Variants in FAM81A observed in about 807,000 individuals in gnomAD.
FAM81A encodes the protein family with sequence similarity 81 member A, also known as protein FAM81A.
Under a neutral mutation model 46.7 loss-of-function variants are expected in FAM81A, and 19 were observed. The observed-to-expected ratio is 0.41, with a 90% CI of 0.28 to 0.60. FAM81A has a LOEUF of 0.60. Among genes scored for constraint, FAM81A ranks in the 20% least tolerant of loss-of-function variants. FAM81A has a pLI of 0.34. For missense variants in FAM81A, 377 were observed against 453.5 expected (o/e 0.83, Z 1.53); for synonymous variants, 183 against 152.9 (o/e 1.20, Z -1.45).
At chr15:59,442,574 G>A (rs1353903035) in intron 1 of FAM81A, among the ~76,000 whole-genome samples, 12 of 137,120 alleles carry the variant, frequency 8.8e-5, no homozygotes, top group South Asian at 4.5e-4. Flanking sequence ...CTGAGATCGC[G>A]CCACTGCACT....
chr15:59,434,941 A>G (rs1596468792), upstream of FAM81A, among the ~76,000 whole-genome samples: 8 of 152,308 alleles, frequency 5.3e-5, no homozygotes, highest in Admixed American at 5.2e-4. Flanking sequence ...CTTCATGACT[A>G]ATGGCAGTGC....
At position 59,523,464 on chromosome 15, in the gene FAM81A, C is replaced by T. The variant is rs531855726; in HGVS notation, c.*2086C>T. Reference sequence around the variant, plus strand: ...AGCTGTCGAGCCACAGTGCAGTTCTCTTCTCACCAAAGCTCAAATGAGAAT... The same window carrying T: ...AGCTGTCGAGCCACAGTGCAGTTCTTTTCTCACCAAAGCTCAAATGAGAAT... On this transcript the variant is annotated 3_prime_UTR_variant, in exon 9 of 9. Coordinates refer to ENST00000288228, the MANE Select transcript of FAM81A (RefSeq NM_152450.3). 2.0e-5 allele frequency: 3 copies of T among 152,256 alleles called. No homozygotes were observed. Among genetic ancestry groups the T allele is most frequent in the East Asian group, 1.9e-4 (1 of 5,206 alleles). The allele number at this position is 152,256 out of a possible 1,614,324, so 9.4% of individuals were successfully genotyped here. A position where few individuals can be genotyped will look rare whatever the true frequency, so the allele number is the denominator to read the frequency against.
intron 4 of FAM81A, among the ~76,000 whole-genome samples, chr15:59,499,850 T>G (rs1420756412): frequency 6.6e-6 from 1 of 150,408 alleles, no homozygotes; most frequent in East Asian, 1.9e-4. Flanking sequence ...CTATGTCTTT[T>G]TCATTTTCAT....
intron 6 of FAM81A, among the ~76,000 whole-genome samples, chr15:59,509,374 C>G (rs2082181321): frequency 6.6e-6 from 1 of 152,130 alleles, no homozygotes; most frequent in Admixed American, 6.5e-5. Flanking sequence ...GTTGTGTAGG[C>G]TGAATAATGG....
intron 2 of FAM81A, chr15:59,407,017 G>T: frequency 6.0e-6 from 1 of 167,292 alleles, no homozygotes; most frequent in South Asian, 1.5e-4. Flanking sequence ...TTGGCAATGA[G>T]AGCCACAGAC....
rs532572939 is a variant in FAM81A at position 59,473,509 on chromosome 15, T to C, written c.294+13303T>C. On this transcript the variant is annotated intron_variant, in intron 3 of 8. Coordinates refer to ENST00000288228, the MANE Select transcript of FAM81A (RefSeq NM_152450.3). ...CTGCAGATAAGAGGGTGCCAGGGTA[T>C]GTTACAAAAAATACAAACTTTTCCC... 1.4e-4 allele frequency among the ~76,000 whole-genome samples: 22 copies of C among 152,272 alleles called. No individual in the cohort carries two copies. In the South Asian group the frequency reaches 1.9e-3, roughly 13 times the overall value.
rs779513145 is a variant in FAM81A, at chr15:59,521,455, C to T, written c.*77C>T. On this transcript the variant is annotated 3_prime_UTR_variant, in exon 9 of 9. Coordinates refer to ENST00000288228, the MANE Select transcript of FAM81A (RefSeq NM_152450.3). The stretch of plus-strand genomic sequence containing the variant: ...CCGGATACCTCTGTAGCCAGGCCAT[C>T]GCTGCATTCAGGATTGTTCCATCCA... 458 of 1,494,006 alleles carry T rather than the reference C, an allele frequency of 3.1e-4. No homozygotes were observed. The highest frequency in any genetic ancestry group is 3.7e-4 in the Non-Finnish European group (417 of 1,115,916). The allele number at this position is 1,494,006 out of a possible 1,614,324, so 92.5% of individuals were successfully genotyped here. A position where few individuals can be genotyped will look rare whatever the true frequency, so the allele number is the denominator to read the frequency against.
intron 2 of FAM81A, among the ~76,000 whole-genome samples, chr15:59,420,151 A>T (rs6494109): frequency 0.34 from 52,459 of 152,064 alleles, 10,468 homozygotes; most frequent in African/African-American, 0.57. Context: ...AGCAGGGCAA[A>T]AATGTTCCTG....
At chr15:59,459,911 C>T (rs772562123) in intron 2 of FAM81A, 22 bp from the exon 3 acceptor site, 11 of 1,559,818 alleles carry the variant, frequency 7.1e-6, no homozygotes, top group South Asian at 1.2e-5. Flanking sequence ...CAATTAACAA[C>T]CCTCATGGTT....
At chr15:59,405,589 C>T (rs535228574) in intron 2 of FAM81A, among the ~76,000 whole-genome samples, 76 of 151,770 alleles carry the variant, frequency 5.0e-4, no homozygotes, top group Non-Finnish European at 9.1e-4. Context: ...TGCAGTGAGC[C>T]GAGATCACGC....
At chr15:59,468,699 GT>G (rs1271388844) in intron 3 of FAM81A, among the ~76,000 whole-genome samples, 3 of 146,404 alleles carry the variant, frequency 2.0e-5, no homozygotes, top group African/African-American at 5.0e-5. Flanking sequence ...AGGGTTTTTT[GT>G]TTCTCTGTCT....
chr15:59,419,111 G>A (rs1416489920), intron 2 of FAM81A, among the ~76,000 whole-genome samples: 2 of 152,158 alleles, frequency 1.3e-5, no homozygotes, highest in South Asian at 2.1e-4. Context: ...TCATCAGTTC[G>A]ATTATCTGTA....
chr15:59,430,534 G>A (rs2141563790), intron 2 of FAM81A, among the ~76,000 whole-genome samples: 1 of 152,106 alleles, frequency 6.6e-6, no homozygotes, highest in East Asian at 1.9e-4. Flanking sequence ...CCAAAGTGCT[G>A]GGATTACAGG....
chr15:59,470,572 C>T (rs1738363648), intron 3 of FAM81A, among the ~76,000 whole-genome samples: 1 of 152,174 alleles, frequency 6.6e-6, no homozygotes, highest in African/African-American at 2.4e-5. Context: ...TTAAGGTCTT[C>T]TCTACACTGT....
chr15:59,431,515 G>A (rs911309866), intron 2 of FAM81A, among the ~76,000 whole-genome samples: 1 of 150,810 alleles, frequency 6.6e-6, no homozygotes, highest in East Asian at 1.9e-4. Flanking sequence ...TTACAGGCGT[G>A]AGCCACTGCA....
At chr15:59,507,644 G>C (rs768626057) in intron 5 of FAM81A, among the ~76,000 whole-genome samples, 3 of 152,138 alleles carry the variant, frequency 2.0e-5, no homozygotes, top group Non-Finnish European at 4.4e-5. Context: ...GCTATCTCTT[G>C]CACAAGTAAG....
Position 59,468,167 on chromosome 15 carries a change from C to T in FAM81A, c.294+7961C>T, listed in dbSNP as rs542035060. Among the ~76,000 whole-genome samples, 21 of 152,180 alleles carry T rather than the reference C, an allele frequency of 1.4e-4. No individual in the cohort carries two copies. The East Asian group carries it at 4.1e-3, about 29-fold the overall frequency. ...TCATCAGGGATATTGGCCTAAAAGT[C>T]TCTTTTTTTGTTGTGTCTCTGCCAG... is the stretch of plus-strand genomic sequence containing the variant. On this transcript the variant is annotated intron_variant, in intron 3 of 8. Coordinates refer to ENST00000288228, the MANE Select transcript of FAM81A (RefSeq NM_152450.3).
At chr15:59,431,539 T>G (rs2081220104) in intron 2 of FAM81A, among the ~76,000 whole-genome samples, 1 of 151,832 alleles carries the variant, frequency 6.6e-6, no homozygotes, top group Admixed American at 6.6e-5. Context: ...AGCCTTTTTT[T>G]TTTTTTTTTT....
intron 1 of FAM81A, among the ~76,000 whole-genome samples, chr15:59,439,370 C>T (rs1282827604): frequency 6.7e-6 from 1 of 149,130 alleles, no homozygotes; most frequent in African/African-American, 2.5e-5. Context: ...TGGGCCCTGT[C>T]ACTGAATGCG....
Sources: allele counts gnomAD v4.1 joint callset (sites outside exome capture counted in the v4.1 genomes callset), GRCh38; gene constraint gnomAD v4.1.1; transcripts MANE v1.5; gene names NCBI Gene and HGNC (gene_info 2026-07-23, HGNC 2026-07-21).